The following AGPAT5 variants were observed in gnomAD, a reference collection of about 807,000 sequenced individuals.
AGPAT5 encodes 1-acyl-sn-glycerol-3-phosphate acyltransferase epsilon.
In AGPAT5, 46 loss-of-function variants were observed where a neutral mutation model predicts 45.6. The observed-to-expected ratio is 1.01, with a 90% CI of 0.80 to 1.29. The LOEUF is 1.29. AGPAT5 is among the 50% of genes most tolerant of loss of function. The pLI, the probability that AGPAT5 is intolerant of heterozygous loss-of-function variation, is 0.00. For missense variants in AGPAT5, 673 were observed against 450.7 expected (o/e 1.49, Z -4.47); for synonymous variants, 272 against 167.0 (o/e 1.63, Z -4.85).
intron 1 of AGPAT5, chr8:6,709,115 G>T (rs887250536): frequency 5.1e-6 from 3 of 592,664 alleles, no homozygotes; most frequent in Non-Finnish European, 9.1e-6. Flanking sequence ...AGTGGGACCC[G>T]CCGCCCCTTT....
intron 4 of AGPAT5, 41 bp from the exon 5 acceptor site, chr8:6,741,620 A>G: frequency 2.1e-6 from 3 of 1,414,344 alleles, no homozygotes; most frequent in Non-Finnish European, 2.9e-6. Flanking sequence ...ACAAAAACAA[A>G]GCTCACACAA....
At chr8:6,744,772 G>T (rs1488276793) in intron 5 of AGPAT5, among the ~76,000 whole-genome samples, 1 of 152,178 alleles carries the variant, frequency 6.6e-6, no homozygotes, top group Non-Finnish European at 1.5e-5. Context: ...TCTGCAGCTT[G>T]CAGGGCCTTC....
chr8:6,708,958 C>A (rs935238925), intron 1 of AGPAT5, 71 bp downstream of exon 1: 1 of 1,452,030 alleles, frequency 6.9e-7, no homozygotes, highest in Non-Finnish European at 9.4e-7. Flanking sequence ...CTCCGCTCCC[C>A]CACAGCTGGC....
At chr8:6,742,609 C>G (rs1203855604) in intron 5 of AGPAT5, among the ~76,000 whole-genome samples, 3 of 152,208 alleles carry the variant, frequency 2.0e-5, no homozygotes, top group Non-Finnish European at 2.9e-5. Flanking sequence ...GTCCAGTGTG[C>G]TGGCTCCTAC....
intron 5 of AGPAT5, among the ~76,000 whole-genome samples, chr8:6,742,088 G>A (rs73508250): frequency 6.6e-6 from 1 of 152,198 alleles, no homozygotes; most frequent in Non-Finnish European, 1.5e-5. Context: ...CTTCTGTTTT[G>A]TAAGATGACA....
At chr8:6,744,016 A>T (rs565843056) in intron 5 of AGPAT5, among the ~76,000 whole-genome samples, 1 of 152,238 alleles carries the variant, frequency 6.6e-6, no homozygotes, top group East Asian at 1.9e-4. Flanking sequence ...TTCTTTGTAG[A>T]CTTAACTGAA....
chr8:6,711,005 A>C (rs1800140024), intron 1 of AGPAT5, among the ~76,000 whole-genome samples: 1 of 152,112 alleles, frequency 6.6e-6, no homozygotes, highest in Non-Finnish European at 1.5e-5. Context: ...TCATTTCTGA[A>C]GGGAGTTTTA....
rs1801929446 is a variant in AGPAT5 at position 6,758,739 on chromosome 8, A to G, written c.*1351A>G. 2 of 152,658 alleles carry G rather than the reference A, an allele frequency of 1.3e-5. No homozygotes were observed. The highest frequency in any genetic ancestry group is 1.3e-4 in the Admixed American group (2 of 15,282). 9.5% of individuals were successfully genotyped at this position (152,658 alleles called of 1,614,324 possible). On this transcript the variant is annotated 3_prime_UTR_variant, in exon 8 of 8. Coordinates refer to ENST00000285518, the MANE Select transcript of AGPAT5 (RefSeq NM_018361.5). Reference sequence around the variant, plus strand: ...GATCACGATTTTTAGCCATGGAACAATATATCCCATGGGAGAAGACCTTTC... The same window carrying G: ...GATCACGATTTTTAGCCATGGAACAGTATATCCCATGGGAGAAGACCTTTC...
chr8:6,733,261 G>A lies in AGPAT5; in HGVS notation c.495+611G>A, dbSNP rs60017431. On this transcript the variant is annotated intron_variant, in intron 4 of 7. Transcript: ENST00000285518. Reference sequence around the variant, plus strand: ...GGGGCGACTTGGGCTTTCTCTTTCAGTACATGACATGTGCTCAGAAGCTTA... The same window carrying A: ...GGGGCGACTTGGGCTTTCTCTTTCAATACATGACATGTGCTCAGAAGCTTA... Among the ~76,000 whole-genome samples the A allele has an allele frequency of 4.3e-4, 65 of 152,302 alleles. 1 individual carries two copies. In the East Asian group the frequency reaches 0.012, roughly 28 times the overall value.
chr8:6,730,657 A>T, intron 2 of AGPAT5, 54 bp from the exon 3 acceptor site: 1 of 1,147,124 alleles, frequency 8.7e-7, no homozygotes, highest in Non-Finnish European at 1.3e-6. Flanking sequence ...GCCCATTCAT[A>T]GTACAACCTG....
At chr8:6,723,102 T>G (rs1435551746) in intron 1 of AGPAT5, among the ~76,000 whole-genome samples, 4 of 152,252 alleles carry the variant, frequency 2.6e-5, no homozygotes, top group African/African-American at 9.6e-5. Context: ...TTATTTTATT[T>G]ATGTTTATTC....
chr8:6,716,213 G>T (rs1316513957), intron 1 of AGPAT5, among the ~76,000 whole-genome samples: 1 of 152,192 alleles, frequency 6.6e-6, no homozygotes, highest in Non-Finnish European at 1.5e-5. Context: ...ACCTCTTGGA[G>T]ATGGCAATAA....
chr8:6,757,478 A>C lies in AGPAT5; in HGVS notation c.*90A>C. ...ATCAAATTGTTTCCTGAATTTATTA[A>C]GGAGTGTAAATAAAGCCTTGTTGAT... On this transcript the variant is annotated 3_prime_UTR_variant, in exon 8 of 8. Transcript: ENST00000285518. The C allele has an allele frequency of 2.0e-6, 2 of 1,013,228 alleles. No homozygotes were observed. Among genetic ancestry groups the C allele is most frequent in the Non-Finnish European group, 3.0e-6 (2 of 665,230 alleles). 62.8% of individuals were successfully genotyped at this position (1,013,228 alleles called of 1,614,324 possible). A position where few individuals can be genotyped will look rare whatever the true frequency, so the allele number is the denominator to read the frequency against.
chr8:6,710,975 C>T (rs975050990), intron 1 of AGPAT5, among the ~76,000 whole-genome samples: 3 of 151,860 alleles, frequency 2.0e-5, no homozygotes, highest in Non-Finnish European at 4.4e-5. Context: ...TTCTCTTGTT[C>T]TGTATAAAGT....
chr8:6,750,028 T>C (rs1400407892), intron 6 of AGPAT5, among the ~76,000 whole-genome samples: 1 of 152,228 alleles, frequency 6.6e-6, no homozygotes, highest in African/African-American at 2.4e-5. Flanking sequence ...TATTCAGTAG[T>C]TGAAGGCTTT....
chr8:6,729,875 C>G (rs911629913), intron 2 of AGPAT5, among the ~76,000 whole-genome samples: 14 of 152,102 alleles, frequency 9.2e-5, no homozygotes, highest in Non-Finnish European at 1.5e-4. Flanking sequence ...GATCATTTTA[C>G]TTGGTTACAT....
intron 2 of AGPAT5, among the ~76,000 whole-genome samples, chr8:6,725,634 G>C (rs532587687): frequency 6.6e-6 from 1 of 152,084 alleles, no homozygotes; most frequent in African/African-American, 2.4e-5. Context: ...CATTGGGTAA[G>C]GTACTTTTTA....
intron 4 of AGPAT5, among the ~76,000 whole-genome samples, chr8:6,741,335 A>G (rs141220886): frequency 6.6e-6 from 1 of 152,274 alleles, no homozygotes; most frequent in African/African-American, 2.4e-5. Context: ...GCAAAAACTC[A>G]TTGAGGCTTT....
At chr8:6,741,050 A>C (rs1801230162) in intron 4 of AGPAT5, among the ~76,000 whole-genome samples, 1 of 152,150 alleles carries the variant, frequency 6.6e-6, no homozygotes, top group Non-Finnish European at 1.5e-5. Context: ...TTACTTATTA[A>C]ACGTCCAGCT....
Sources: allele counts gnomAD v4.1 joint callset (sites outside exome capture counted in the v4.1 genomes callset), GRCh38; gene constraint gnomAD v4.1.1; transcripts MANE v1.5; gene names NCBI Gene and HGNC (gene_info 2026-07-23, HGNC 2026-07-21).